Variants in RAD51B observed in about 807,000 individuals in gnomAD.
RAD51B encodes RAD51 paralog B.
A neutral mutation model predicts 42.2 loss-of-function variants in RAD51B; 38 were observed. The observed-to-expected ratio is 0.90, with a 90% CI of 0.70 to 1.18. The LOEUF (loss-of-function observed/expected upper bound fraction) is 1.18, where lower values mean the gene tolerates loss of function less well. Ranked by LOEUF, RAD51B falls within the 50% of genes most tolerant of loss-of-function variation. The pLI is 0.00. For synonymous variants in RAD51B, 154 were observed against 145.2 expected (o/e 1.06, Z -0.43); for missense variants, 373 against 400.7 (o/e 0.93, Z 0.59).
chr14:67,936,653 A>T (rs2044964994), intron 7 of RAD51B, among the ~76,000 whole-genome samples: 1 of 152,184 alleles, frequency 6.6e-6, no homozygotes, highest in African/African-American at 2.4e-5. Context: ...TCTGTGTTTA[A>T]TAATTTGAGG....
At chr14:68,624,453 G>C (rs746598255) in intron 10 of RAD51B, among the ~76,000 whole-genome samples, 27 of 152,104 alleles carry the variant, frequency 1.8e-4, no homozygotes, top group Non-Finnish European at 3.5e-4. Flanking sequence ...TAGCACTTCC[G>C]GGCCCTCGAT....
rs970133994 is a variant in RAD51B, at chr14:67,955,737, A to G, written c.756+68533A>G. Reference sequence around the variant, plus strand: ...ATTTAATGAACTTGACAAACACTATAGAACAAAGCAGAATTTACCAGCTTA... The same window carrying G: ...ATTTAATGAACTTGACAAACACTATGGAACAAAGCAGAATTTACCAGCTTA... On this transcript the variant is annotated intron_variant, in intron 7 of 10. Coordinates refer to ENST00000471583, the MANE Select transcript of RAD51B (RefSeq NM_133510.4). Among the ~76,000 whole-genome samples the G allele has an allele frequency of 2.0e-5, 3 of 152,356 alleles. No homozygotes were observed. The East Asian group carries it at 5.8e-4, about 29-fold the overall frequency.
chr14:68,260,670 C>T (rs1013388761), intron 7 of RAD51B, among the ~76,000 whole-genome samples: 1 of 152,184 alleles, frequency 6.6e-6, no homozygotes, highest in East Asian at 1.9e-4. Context: ...ATAGTCAAGA[C>T]ACCTGTCTCA....
At chr14:68,637,237 C>T (rs1040062590) in intron 10 of RAD51B, among the ~76,000 whole-genome samples, 1 of 152,054 alleles carries the variant, frequency 6.6e-6, no homozygotes, top group Non-Finnish European at 1.5e-5. Context: ...GGCCATCACA[C>T]CTGGCTAATT....
At chr14:68,566,333 T>C (rs1042579085) in intron 10 of RAD51B, among the ~76,000 whole-genome samples, 2 of 152,208 alleles carry the variant, frequency 1.3e-5, no homozygotes, top group African/African-American at 4.8e-5. Flanking sequence ...GGAGAATTAA[T>C]AAGAAGGTGA....
chr14:68,241,126 C>T (rs962541062), intron 7 of RAD51B, among the ~76,000 whole-genome samples: 4 of 152,340 alleles, frequency 2.6e-5, no homozygotes, highest in East Asian at 1.9e-4. Flanking sequence ...AGAAACCCAA[C>T]GTGTGTATTC....
chr14:68,638,804 G>A (rs1256888608), intron 10 of RAD51B, among the ~76,000 whole-genome samples: 3 of 152,182 alleles, frequency 2.0e-5, no homozygotes, highest in Non-Finnish European at 4.4e-5. Flanking sequence ...ATTCCATGTG[G>A]CTGGGGGACC....
At chr14:68,673,341 CAT>C (rs1893199352) in intron 11 of RAD51B, among the ~76,000 whole-genome samples, 1 of 151,842 alleles carries the variant, frequency 6.6e-6, no homozygotes, top group Non-Finnish European at 1.5e-5. Context: ...TGTATGCACA[CAT>C]ATACATAAAC....
intron 9 of RAD51B, chr14:68,422,224 G>C: frequency 1.1e-6 from 1 of 950,770 alleles, no homozygotes; most frequent in Non-Finnish European, 1.7e-6. Context: ...TTTCCTCAGC[G>C]GTGGCGTCCG....
At chr14:68,562,809 A>G in intron 10 of RAD51B, 1 of 985,394 alleles carries the variant, frequency 1.0e-6, no homozygotes, top group Non-Finnish European at 1.2e-6. Flanking sequence ...TACAGACATC[A>G]CAAGGTAAGT....
intron 2 of RAD51B, among the ~76,000 whole-genome samples, chr14:67,824,726 T>G (rs1203250836): frequency 1.3e-5 from 2 of 152,096 alleles, no homozygotes; most frequent in Non-Finnish European, 2.9e-5. Flanking sequence ...CATCCTATAG[T>G]CAGTTTCATT....
At position 68,072,122 on chromosome 14, in the gene RAD51B, AATATATATATAATTATAT is replaced by A. The variant is rs1286632063; in HGVS notation, c.756+184925_756+184942del. Among the ~76,000 whole-genome samples, 114 of 122,442 alleles carry A rather than the reference AATATATATATAATTATAT, an allele frequency of 9.3e-4. 4 individuals are homozygous for A. The East Asian group carries it at 0.017, about 19-fold the overall frequency. The allele number at this position is 122,442 out of a possible 152,430, so 80.3% of individuals were successfully genotyped here. ...TATATAAAATATAAAAAATATATAA[AATATATATATAATTATAT>A]ATATATTTTATATATATTTTTTTCT... On this transcript the variant is annotated intron_variant, in intron 7 of 10. Transcript: ENST00000471583.
chr14:68,465,950 A>AT (rs1566899996), intron 9 of RAD51B, among the ~76,000 whole-genome samples: 88 of 81,394 alleles, frequency 1.1e-3, no homozygotes, highest in African/African-American at 3.5e-3. Context: ...CAAAAAAAAA[A>AT]AAAATAAATA....
intron 8 of RAD51B, among the ~76,000 whole-genome samples, chr14:68,375,381 C>T (rs1308751016): frequency 6.6e-6 from 1 of 152,116 alleles, no homozygotes; most frequent in Non-Finnish European, 1.5e-5. Context: ...GTCTAGTAAA[C>T]AAACTGTAAT....
intron 2 of RAD51B, among the ~76,000 whole-genome samples, chr14:67,824,259 T>TTTTG (rs1291430890): frequency 6.6e-6 from 1 of 151,964 alleles, no homozygotes; most frequent in South Asian, 2.1e-4. Context: ...TTTATCCTTT[T>TTTTG]TTTGTTTGTT....
chr14:68,353,530 T>G (rs1416619646), intron 8 of RAD51B, among the ~76,000 whole-genome samples: 1 of 152,176 alleles, frequency 6.6e-6, no homozygotes, highest in East Asian at 1.9e-4. Flanking sequence ...TGTCTCTTTC[T>G]CAGTAACCAG....
chr14:68,594,550 C>G, exon 11 of RAD51B: 1 of 1,336,604 alleles, frequency 7.5e-7, no homozygotes, highest in South Asian at 1.2e-5. Context: ...CCCACCTCAG[C>G]CTCCTGAGCA....
intron 7 of RAD51B, among the ~76,000 whole-genome samples, chr14:68,002,842 G>C (rs2075511738): frequency 6.6e-6 from 1 of 152,104 alleles, no homozygotes; most frequent in African/African-American, 2.4e-5. Flanking sequence ...GGTTATAGGT[G>C]TGTGGTCTTA....
At chr14:68,123,671 G>A (rs2077698191) in intron 7 of RAD51B, among the ~76,000 whole-genome samples, 1 of 152,072 alleles carries the variant, frequency 6.6e-6, no homozygotes, top group African/African-American at 2.4e-5. Flanking sequence ...AGCTCGGCAT[G>A]GTGGCGCACA....
Sources: gnomAD v4.1 joint callset for allele counts (sites outside exome capture counted in the v4.1 genomes callset) on GRCh38, gnomAD v4.1.1 for gene constraint, MANE v1.5 for transcripts, NCBI Gene and HGNC (gene_info 2026-07-23, HGNC 2026-07-21) for gene names.